The following CCDC30 variants were observed in gnomAD, a reference collection of about 807,000 sequenced individuals.
CCDC30 encodes coiled-coil domain containing 30, also known as coiled-coil domain-containing protein 30.
A neutral mutation model predicts 100.2 loss-of-function variants in CCDC30; 70 were observed. The observed-to-expected ratio is 0.70, with a 90% CI of 0.58 to 0.85. The LOEUF is 0.85. CCDC30 is among the 40% of genes least tolerant of loss of function. The probability of loss-of-function intolerance (pLI) is 0.00; values close to 1 mark genes in which losing one functional copy is unlikely to be tolerated. For synonymous variants in CCDC30, 233 were observed against 269.5 expected, an observed-to-expected ratio of 0.86 and a Z score of 1.33; for missense variants, 652 against 771.2, an observed-to-expected ratio of 0.85 and a Z score of 1.83.
intron 6 of CCDC30, among the ~76,000 whole-genome samples, chr1:42,553,520 G>A (rs888258942): frequency 6.6e-6 from 1 of 151,986 alleles, no homozygotes; most frequent in Non-Finnish European, 1.5e-5. Context: ...ACTGGATGCA[G>A]TGGCTTACAC....
At chr1:42,537,703 C>T in intron 6 of CCDC30, 1 of 176,294 alleles carries the variant, frequency 5.7e-6, no homozygotes, top group Admixed American at 5.5e-5. Context: ...GGCACGGTGG[C>T]TCACGCTTGT....
At chr1:42,578,789 G>A (rs182919773) in intron 8 of CCDC30, among the ~76,000 whole-genome samples, 21 of 152,144 alleles carry the variant, frequency 1.4e-4, no homozygotes, top group Non-Finnish European at 2.2e-4. Flanking sequence ...TCATTGTTCC[G>A]AATAACAGAA....
At position 42,510,162 on chromosome 1, in the gene CCDC30, C is replaced by T. The variant is rs890490640; in HGVS notation, c.456+11246C>T. Reference sequence around the variant, plus strand: ...TTTCAATTAGGGTTGTCAATAAGTACTGCCTCTCTTCCAATTGGGAATGAT... The same window carrying T: ...TTTCAATTAGGGTTGTCAATAAGTATTGCCTCTCTTCCAATTGGGAATGAT... On this transcript the variant is annotated intron_variant, in intron 6 of 16. Coordinates refer to ENST00000668663, the Ensembl canonical transcript of CCDC30. 4 of 948,796 alleles carry T rather than the reference C, an allele frequency of 4.2e-6. No individual in the cohort carries two copies. The East Asian group carries it at 3.5e-4, about 82-fold the overall frequency. The allele number at this position is 948,796 out of a possible 1,614,324, so 58.8% of individuals were successfully genotyped here.
At chr1:42,565,248 A>G (rs933883188) in intron 6 of CCDC30, among the ~76,000 whole-genome samples, 10 of 152,204 alleles carry the variant, frequency 6.6e-5, no homozygotes, top group African/African-American at 2.4e-4. Context: ...GAGTAAAAAG[A>G]CAACCTACAG....
At chr1:42,628,959 T>C (rs1646983043) in intron 11 of CCDC30, among the ~76,000 whole-genome samples, 1 of 152,260 alleles carries the variant, frequency 6.6e-6, no homozygotes, top group South Asian at 2.1e-4. Flanking sequence ...TTTAAACTTT[T>C]ACTTGTTTCT....
At chr1:42,522,897 A>G (rs185593483) in intron 6 of CCDC30, among the ~76,000 whole-genome samples, 1 of 151,798 alleles carries the variant, frequency 6.6e-6, no homozygotes, top group Non-Finnish European at 1.5e-5. Context: ...TTTTTTTGAG[A>G]TGGAGTCTCA....
At chr1:42,500,423 T>A (rs1230475062) in intron 6 of CCDC30, 3 of 869,682 alleles carry the variant, frequency 3.4e-6, no homozygotes, top group Non-Finnish European at 5.6e-6. Context: ...TTCTCTCTTT[T>A]TTTTTTTTGA....
At chr1:42,572,329 G>T (rs761662413) in intron 7 of CCDC30, among the ~76,000 whole-genome samples, 2 of 152,036 alleles carry the variant, frequency 1.3e-5, no homozygotes, top group African/African-American at 4.8e-5. Context: ...TGAAGTGCTT[G>T]TTCAAGATTT....
intron 6 of CCDC30, among the ~76,000 whole-genome samples, chr1:42,565,942 C>T (rs1476497397): frequency 6.6e-6 from 1 of 151,992 alleles, no homozygotes; most frequent in Non-Finnish European, 1.5e-5. Flanking sequence ...CACACATTCA[C>T]ACTCTACTTC....
intron 6 of CCDC30, chr1:42,539,295 T>A (rs1644968753): frequency 6.3e-7 from 1 of 1,592,516 alleles, no homozygotes; most frequent in South Asian, 1.2e-5. Flanking sequence ...GAGAGAATTC[T>A]GAATTAGAAA....
chr1:42,577,830 T>C (rs1299897158), intron 8 of CCDC30, among the ~76,000 whole-genome samples: 4 of 151,926 alleles, frequency 2.6e-5, no homozygotes, highest in African/African-American at 9.7e-5. Context: ...TTAGTAGAGA[T>C]GGGGTTTCAC....
intron 7 of CCDC30, among the ~76,000 whole-genome samples, chr1:42,576,259 G>T (rs538174321): frequency 6.6e-6 from 1 of 152,192 alleles, no homozygotes; most frequent in African/African-American, 2.4e-5. Flanking sequence ...AGACTAGAGT[G>T]GTGGCAAAAA....
Position 42,510,035 on chromosome 1 carries a change from T to C in CCDC30, c.456+11119T>C, listed in dbSNP as rs1382862086. On this transcript the variant is annotated intron_variant, in intron 6 of 16. Coordinates refer to ENST00000668663, the Ensembl canonical transcript of CCDC30. ...AAACCATGAAAAAAGGAAGGAAAAA[T>C]ACCATAGAAAAGTCTCGGGGTTTGT... 4 of 982,434 alleles carry C rather than the reference T, an allele frequency of 4.1e-6. No homozygotes were observed. The East Asian group carries it at 3.4e-4, about 84-fold the overall frequency. The allele number at this position is 982,434 out of a possible 1,614,324, so 60.9% of individuals were successfully genotyped here.
exon 1 of CCDC30, chr1:42,463,665 G>A (rs1209627597): frequency 6.6e-6 from 1 of 152,108 alleles, no homozygotes; most frequent in Non-Finnish European, 1.5e-5. Flanking sequence ...GAGGTAGGTC[G>A]GCGTTCCTTT....
chr1:42,539,918 TA>T (rs11286901), intron 6 of CCDC30, among the ~76,000 whole-genome samples: 55,851 of 138,524 alleles, frequency 0.4, 10,825 homozygotes, highest in East Asian at 0.6. Flanking sequence ...ACCCCATCTC[TA>T]AAAAAAAAAA....
Position 42,463,909 on chromosome 1 carries a change from T to G in CCDC30, c.-92+11T>G, listed in dbSNP as rs1195377726. Reference sequence around the variant, plus strand: ...ATCAGAGGTCATGAAGTCAGTTACCTTCTGCCTTTCAAGCTACAACTTTTT... The same window carrying G: ...ATCAGAGGTCATGAAGTCAGTTACCGTCTGCCTTTCAAGCTACAACTTTTT... On this transcript the variant is annotated intron_variant, in intron 1 of 16. Transcript: ENST00000668663. 1 of 152,162 alleles carries G rather than the reference T, an allele frequency of 6.6e-6. No homozygotes were observed. Among genetic ancestry groups the G allele is most frequent in the Non-Finnish European group, 1.5e-5 (1 of 68,026 alleles). The allele number at this position is 152,162 out of a possible 1,614,324, so 9.4% of individuals were successfully genotyped here.
intron 6 of CCDC30, among the ~76,000 whole-genome samples, chr1:42,565,551 T>C (rs1557859225): frequency 6.6e-6 from 1 of 152,124 alleles, no homozygotes; most frequent in Non-Finnish European, 1.5e-5. Context: ...TTGGCAAGGA[T>C]GTGGAGAAAA....
At chr1:42,604,884 C>T (rs774054891) in intron 10 of CCDC30, among the ~76,000 whole-genome samples, 3 of 152,182 alleles carry the variant, frequency 2.0e-5, no homozygotes, top group Non-Finnish European at 4.4e-5. Flanking sequence ...CATTACTTTC[C>T]ATTCTTGTCA....
At chr1:42,482,852 G>A (rs1643984806) in intron 3 of CCDC30, 36 bp downstream of exon 3, 1 of 1,209,408 alleles carries the variant, frequency 8.3e-7, no homozygotes, top group South Asian at 4.2e-5. Context: ...TTCCGATCAT[G>A]CTTTAACTGT....
Sources: gnomAD v4.1 joint callset for allele counts (sites outside exome capture counted in the v4.1 genomes callset) on GRCh38, gnomAD v4.1.1 for gene constraint, MANE v1.5 for transcripts, NCBI Gene and HGNC (gene_info 2026-07-23, HGNC 2026-07-21) for gene names.